Variants in PIP4K2A observed in about 807,000 individuals in gnomAD.
PIP4K2A encodes the protein phosphatidylinositol-5-phosphate 4-kinase type 2 alpha, also known as phosphatidylinositol 5-phosphate 4-kinase type-2 alpha.
A neutral mutation model predicts 42.9 loss-of-function variants in PIP4K2A; 14 were observed. The observed-to-expected ratio is 0.33, with a 90% confidence interval of 0.22 to 0.51. PIP4K2A has a LOEUF of 0.51. PIP4K2A is among the 20% of genes least tolerant of loss of function. The pLI, the probability that PIP4K2A is intolerant of heterozygous loss-of-function variation, is 0.97. For synonymous variants in PIP4K2A, 192 were observed against 192.2 expected, an observed-to-expected ratio of 1.00 and a Z score of 0.01; for missense variants, 434 against 519.8, an observed-to-expected ratio of 0.83 and a Z score of 1.61.
intron 1 of PIP4K2A, among the ~76,000 whole-genome samples, chr10:22,664,123 A>ACC: frequency 1.5e-5 from 1 of 67,116 alleles, no homozygotes; most frequent in African/African-American, 1.3e-4. Context: ...ATACATATAT[A>ACC]TATATACATA....
At chr10:22,711,799 C>T (rs577405005) in intron 1 of PIP4K2A, among the ~76,000 whole-genome samples, 208 of 152,218 alleles carry the variant, frequency 1.4e-3, no homozygotes, top group African/African-American at 4.4e-3. Context: ...GACATTGTCA[C>T]CTAAAATGAA....
At chr10:22,657,015 C>T (rs1839114611) in intron 1 of PIP4K2A, among the ~76,000 whole-genome samples, 1 of 152,150 alleles carries the variant, frequency 6.6e-6, no homozygotes, top group South Asian at 2.1e-4. Flanking sequence ...TTGAGGAAGC[C>T]TCTTCCAGTT....
chr10:22,536,371 G>GAA lies in PIP4K2A; in HGVS notation c.*828_*829dup. ...GGTGAACAATGAAGGCTCCAGGCAAGAAAAGAGAAGTAAGCAGTTTTCCTG... is the reference window on the plus strand; with the variant it reads ...GGTGAACAATGAAGGCTCCAGGCAAGAAAAAAGAGAAGTAAGCAGTTTTCCTG... On this transcript the variant is annotated 3_prime_UTR_variant, in exon 10 of 10. Coordinates refer to ENST00000376573, the MANE Select transcript of PIP4K2A (RefSeq NM_005028.5). 2.9e-6 allele frequency: 1 copy of GAA among 349,978 alleles called. No individual in the cohort carries two copies. Among genetic ancestry groups the GAA allele is most frequent in the Non-Finnish European group, 5.1e-6 (1 of 195,536 alleles). 21.7% of individuals were successfully genotyped at this position (349,978 alleles called of 1,614,324 possible).
chr10:22,572,610 A>AAAAAAG (rs1837016815), intron 5 of PIP4K2A, among the ~76,000 whole-genome samples: 1 of 151,928 alleles, frequency 6.6e-6, no homozygotes, highest in African/African-American at 2.4e-5. Context: ...TTCTCAAAAA[A>AAAAAAG]AAAAGAAAAG....
intron 1 of PIP4K2A, among the ~76,000 whole-genome samples, chr10:22,634,570 A>G (rs1429951036): frequency 6.6e-6 from 1 of 152,230 alleles, no homozygotes; most frequent in East Asian, 1.9e-4. Context: ...GTCCAAATTT[A>G]GAAAACCAAT....
chr10:22,547,806 G>T (rs73598560), intron 7 of PIP4K2A, among the ~76,000 whole-genome samples: 6 of 152,308 alleles, frequency 3.9e-5, no homozygotes, highest in African/African-American at 1.4e-4. Context: ...CGATCTGTGT[G>T]TGTGTTTGTG....
intron 1 of PIP4K2A, among the ~76,000 whole-genome samples, chr10:22,628,190 T>C (rs748652942): frequency 6.6e-6 from 1 of 152,218 alleles, no homozygotes; most frequent in Non-Finnish European, 1.5e-5. Context: ...AAACACAAGA[T>C]GACTTACTAA....
rs187179155 is a variant in PIP4K2A at position 22,687,782 on chromosome 10, T to C, written c.144+26401A>G. On this transcript the variant is annotated intron_variant, in intron 1 of 9. Transcript: ENST00000376573. ...AGTAAATGCTATGTGAATAGTTATA[T>C]TGCATTTTTAAAAAATCTGTATTAT... is the stretch of plus-strand genomic sequence containing the variant. Among the ~76,000 whole-genome samples, 45 of 152,340 alleles carry C rather than the reference T, an allele frequency of 3.0e-4. 1 individual carries two copies. The East Asian group carries it at 5.8e-3, about 20-fold the overall frequency.
At chr10:22,601,902 C>T (rs540484765) in intron 3 of PIP4K2A, among the ~76,000 whole-genome samples, 5 of 152,230 alleles carry the variant, frequency 3.3e-5, no homozygotes, top group Non-Finnish European at 5.9e-5. Flanking sequence ...GCTTTCAGGT[C>T]CCAGTGCCTC....
chr10:22,576,553 C>T (rs531536907), intron 4 of PIP4K2A, among the ~76,000 whole-genome samples: 9 of 152,290 alleles, frequency 5.9e-5, no homozygotes, highest in South Asian at 2.1e-4. Flanking sequence ...AGAGCCCTCC[C>T]GGTCCAGCTC....
chr10:22,713,964 G>A (rs746848587), intron 1 of PIP4K2A: 4 of 433,184 alleles, frequency 9.2e-6, no homozygotes, highest in African/African-American at 2.1e-5. Context: ...ACCCGCACCG[G>A]GCCATAGATC....
rs566845666 is a variant in PIP4K2A, at chr10:22,596,384, G to A, written c.340-4603C>T. The stretch of plus-strand genomic sequence containing the variant: ...CCTAATGATGGTTTAGGACACCTGG[G>A]CTGAGATGAAAGAGAACATGCAGTG... On this transcript the variant is annotated intron_variant, in intron 3 of 9. Transcript: ENST00000376573. 2.0e-5 allele frequency among the ~76,000 whole-genome samples: 3 copies of A among 152,212 alleles called. No homozygotes were observed. In the South Asian group the frequency reaches 6.2e-4, roughly 32 times the overall value.
intron 1 of PIP4K2A, among the ~76,000 whole-genome samples, chr10:22,690,492 T>C (rs1839844154): frequency 6.6e-6 from 1 of 152,256 alleles, no homozygotes; most frequent in African/African-American, 2.4e-5. Flanking sequence ...GCTGAAATAC[T>C]AAATAAAATT....
intron 1 of PIP4K2A, among the ~76,000 whole-genome samples, chr10:22,704,047 G>C (rs1449536721): frequency 6.6e-6 from 1 of 152,130 alleles, no homozygotes; most frequent in Non-Finnish European, 1.5e-5. Flanking sequence ...TTCATGTGAA[G>C]ATACCTGGTA....
intron 1 of PIP4K2A, among the ~76,000 whole-genome samples, chr10:22,679,629 T>C (rs1839623546): frequency 6.6e-6 from 1 of 152,184 alleles, no homozygotes; most frequent in Non-Finnish European, 1.5e-5. Context: ...GCATTATTCG[T>C]AATAGCCAAA....
At chr10:22,678,205 A>C (rs1839595706) in intron 1 of PIP4K2A, among the ~76,000 whole-genome samples, 1 of 151,808 alleles carries the variant, frequency 6.6e-6, no homozygotes, top group Non-Finnish European at 1.5e-5. Flanking sequence ...CCCCCCTTTC[A>C]ACAACAGAAA....
chr10:22,541,700 T>G (rs1836118252), intron 8 of PIP4K2A, 104 bp downstream of exon 8: 10 of 1,307,730 alleles, frequency 7.6e-6, no homozygotes, highest in Admixed American at 2.7e-5. Flanking sequence ...GGATGAGTGC[T>G]GCCGGGCAGC....
intron 7 of PIP4K2A, among the ~76,000 whole-genome samples, chr10:22,546,114 C>T (rs560390628): frequency 2.6e-5 from 4 of 152,306 alleles, no homozygotes; most frequent in South Asian, 4.1e-4. Context: ...TGGTCTCACT[C>T]GCCAGTTCCA....
At chr10:22,627,588 T>C (rs1838467342) in intron 1 of PIP4K2A, among the ~76,000 whole-genome samples, 2 of 38,924 alleles carry the variant, frequency 5.1e-5, no homozygotes, top group South Asian at 2.1e-3. Context: ...AGCTAATATG[T>C]AATAAAAAAA....
Sources: gnomAD v4.1 joint callset for allele counts (sites outside exome capture counted in the v4.1 genomes callset) on GRCh38, gnomAD v4.1.1 for gene constraint, MANE v1.5 for transcripts, NCBI Gene and HGNC (gene_info 2026-07-23, HGNC 2026-07-21) for gene names.